Variants in TRAPPC12 observed in about 807,000 individuals in gnomAD.
TRAPPC12 encodes trafficking protein particle complex subunit 12.
TRAPPC12 carries 61 observed loss-of-function variants against 69.2 expected under a neutral mutation model. The observed-to-expected ratio is 0.88, with a 90% CI of 0.72 to 1.09. The LOEUF is 1.09. TRAPPC12 is among the 50% of genes least tolerant of loss of function. The pLI, the probability that TRAPPC12 is intolerant of heterozygous loss-of-function variation, is 0.00. For synonymous variants in TRAPPC12, 469 were observed against 438.9 expected, an observed-to-expected ratio of 1.07 and a Z score of -0.86; for missense variants, 1,101 against 1,016.4, an observed-to-expected ratio of 1.08 and a Z score of -1.13.
intron 4 of TRAPPC12, among the ~76,000 whole-genome samples, chr2:3,423,498 C>A (rs907217819): frequency 6.6e-6 from 1 of 152,008 alleles, no homozygotes; most frequent in Non-Finnish European, 1.5e-5. Context: ...CTCCCCTGCC[C>A]GGCCCTCCTC....
chr2:3,431,166 G>A (rs1663414306), intron 5 of TRAPPC12, among the ~76,000 whole-genome samples: 1 of 152,248 alleles, frequency 6.6e-6, no homozygotes, highest in Admixed American at 6.5e-5. Context: ...ATACCCTTGA[G>A]GCCCTAGGCC....
chr2:3,433,863 A>G (rs1012630688), intron 5 of TRAPPC12, among the ~76,000 whole-genome samples: 22 of 152,196 alleles, frequency 1.4e-4, no homozygotes, highest in African/African-American at 4.8e-4. Flanking sequence ...GTTTTTCCTT[A>G]CAGATTTTGA....
At chr2:3,478,255 G>C (rs545156889) in intron 10 of TRAPPC12, among the ~76,000 whole-genome samples, 2 of 152,234 alleles carry the variant, frequency 1.3e-5, no homozygotes, top group African/African-American at 4.8e-5. Flanking sequence ...CCTGCAGCCA[G>C]GATCAGAAAG....
At chr2:3,406,489 T>G (rs1310144717) in intron 3 of TRAPPC12, among the ~76,000 whole-genome samples, 2 of 152,256 alleles carry the variant, frequency 1.3e-5, no homozygotes, top group African/African-American at 2.4e-5. Context: ...CTTCTTTGAG[T>G]TTCTTTTACC....
At chr2:3,462,646 C>T (rs1251358029) in intron 8 of TRAPPC12, among the ~76,000 whole-genome samples, 1 of 152,232 alleles carries the variant, frequency 6.6e-6, no homozygotes, top group Non-Finnish European at 1.5e-5. Context: ...GCATGATATG[C>T]TATAATGCAC....
chr2:3,409,276 A>G (rs1054173637), intron 3 of TRAPPC12, among the ~76,000 whole-genome samples: 1 of 152,248 alleles, frequency 6.6e-6, no homozygotes, highest in Non-Finnish European at 1.5e-5. Flanking sequence ...GGTGTGAACA[A>G]AAATATTCCT....
chr2:3,466,413 G>A lies in TRAPPC12; in HGVS notation c.1776+718G>A, dbSNP rs548323344. ...CTCACGGTGAGCCAGGCCCTGCGCT[G>A]AGCATTTCACCTCACGGTGTGACTG... On this transcript the variant is annotated intron_variant, in intron 9 of 11. Coordinates refer to ENST00000324266, the MANE Select transcript of TRAPPC12 (RefSeq NM_016030.6). 3.4e-4 allele frequency: 158 copies of A among 470,944 alleles called. 3 individuals carry two copies. The highest frequency in any genetic ancestry group is 2.3e-3 in the South Asian group (149 of 64,560). The allele number at this position is 470,944 out of a possible 1,614,324, so 29.2% of individuals were successfully genotyped here.
intron 2 of TRAPPC12, among the ~76,000 whole-genome samples, chr2:3,396,900 C>T (rs2103456319): frequency 6.6e-6 from 1 of 152,148 alleles, no homozygotes; most frequent in East Asian, 1.9e-4. Context: ...TGCCCATAGT[C>T]ACAGCTACTC....
At chr2:3,469,090 C>T (rs1251546030) in intron 9 of TRAPPC12, among the ~76,000 whole-genome samples, 2 of 152,224 alleles carry the variant, frequency 1.3e-5, no homozygotes, top group African/African-American at 4.8e-5. Flanking sequence ...CTACTTTAAA[C>T]TCAGAGTGTT....
chr2:3,410,350 A>G (rs1475205322), intron 3 of TRAPPC12, among the ~76,000 whole-genome samples: 3 of 152,186 alleles, frequency 2.0e-5, no homozygotes, highest in Admixed American at 1.3e-4. Context: ...AAAGATTTAC[A>G]TTTCCCAAAG....
At chr2:3,475,721 G>A (rs1452784651) in intron 9 of TRAPPC12, among the ~76,000 whole-genome samples, 2 of 152,274 alleles carry the variant, frequency 1.3e-5, no homozygotes, top group African/African-American at 2.4e-5. Context: ...CGGTCTGGGC[G>A]TTGGACAGCC....
chr2:3,393,492 T>C (rs1036193237), intron 2 of TRAPPC12, among the ~76,000 whole-genome samples: 32 of 152,226 alleles, frequency 2.1e-4, no homozygotes, highest in Admixed American at 2.1e-3. Context: ...TTAAGTGTCC[T>C]CACCACCCTC....
Position 3,387,606 on chromosome 2 carries a change from G to T in TRAPPC12, c.-4-14G>T. 6.6e-7 allele frequency: 1 copy of T among 1,512,340 alleles called. No homozygotes were observed. Among genetic ancestry groups the T allele is most frequent in the South Asian group, 1.2e-5 (1 of 80,192 alleles). The allele number at this position is 1,512,340 out of a possible 1,614,324, so 93.7% of individuals were successfully genotyped here. A position where few individuals can be genotyped will look rare whatever the true frequency, so the allele number is the denominator to read the frequency against. On this transcript the variant is annotated splice_polypyrimidine_tract_variant and intron_variant, in intron 1 of 11. Coordinates refer to ENST00000324266, the MANE Select transcript of TRAPPC12 (RefSeq NM_016030.6). ...GATCACGCTCAGGGGCCTTCTCTCT[G>T]TCTTTGCTTTCAGGGTCATGGAGGA...
At chr2:3,410,910 G>A (rs1662020026) in intron 3 of TRAPPC12, among the ~76,000 whole-genome samples, 1 of 152,138 alleles carries the variant, frequency 6.6e-6, no homozygotes, top group African/African-American at 2.4e-5. Flanking sequence ...CACGCCTGTA[G>A]TCCCAGCTAC....
At chr2:3,446,192 G>A (rs1249642890) in intron 6 of TRAPPC12, among the ~76,000 whole-genome samples, 1 of 152,160 alleles carries the variant, frequency 6.6e-6, no homozygotes, top group Non-Finnish European at 1.5e-5. Flanking sequence ...TATCTCTCAT[G>A]TTTAAAGATA....
intron 2 of TRAPPC12, among the ~76,000 whole-genome samples, chr2:3,401,155 G>A (rs530662522): frequency 9.7e-4 from 148 of 152,344 alleles, no homozygotes; most frequent in African/African-American, 3.4e-3. Flanking sequence ...GGCTCAGCGA[G>A]GCTACCGAGG....
chr2:3,478,991 A>C, intron 11 of TRAPPC12, 58 bp downstream of exon 11: 1 of 1,559,998 alleles, frequency 6.4e-7, no homozygotes, highest in African/African-American at 1.4e-5. Context: ...CGCTAGAAAC[A>C]TACACCCACA....
At position 3,446,633 on chromosome 2, in the gene TRAPPC12, A is replaced by G. The variant is rs569499733; in HGVS notation, c.1530+2742A>G. 2.6e-5 allele frequency among the ~76,000 whole-genome samples: 4 copies of G among 152,324 alleles called. No individual in the cohort carries two copies. The East Asian group carries it at 7.7e-4, about 29-fold the overall frequency. On this transcript the variant is annotated intron_variant, in intron 6 of 11. Transcript: ENST00000324266. ...CTTTCTGCGGCTGGTTCAGTGTTGA[A>G]CTGAAGCAGTTTTTATCTGGATGTG...
At chr2:3,394,598 G>T (rs117919861) in intron 2 of TRAPPC12, among the ~76,000 whole-genome samples, 1 of 151,550 alleles carries the variant, frequency 6.6e-6, no homozygotes, top group African/African-American at 2.4e-5. Context: ...TCCAGCCTGC[G>T]CAACAGAGCA....
Sources: allele counts gnomAD v4.1 joint callset (sites outside exome capture counted in the v4.1 genomes callset), GRCh38; gene constraint gnomAD v4.1.1; transcripts MANE v1.5; gene names NCBI Gene and HGNC (gene_info 2026-07-23, HGNC 2026-07-21).